The following MARCHF3 variants were observed in gnomAD, a reference collection of about 807,000 sequenced individuals.
The protein encoded by MARCHF3 is membrane associated ring-CH-type finger 3.
In MARCHF3, 13 loss-of-function variants were observed where a neutral mutation model predicts 24.2. That is an observed-to-expected ratio of 0.54 (90% CI 0.35 to 0.85). The LOEUF (loss-of-function observed/expected upper bound fraction) is 0.85, where lower values mean the gene tolerates loss of function less well. Among genes scored for constraint, MARCHF3 ranks in the 40% least tolerant of loss-of-function variants. The pLI is 0.01. For synonymous variants in MARCHF3, 144 were observed against 137.3 expected, an observed-to-expected ratio of 1.05 and a Z score of -0.34; for missense variants, 276 against 325.0, an observed-to-expected ratio of 0.85 and a Z score of 1.16.
At chr5:126,920,325 C>T (rs978297367) in intron 1 of MARCHF3, among the ~76,000 whole-genome samples, 5 of 152,118 alleles carry the variant, frequency 3.3e-5, no homozygotes, top group Non-Finnish European at 5.9e-5. Flanking sequence ...TAAAACTGTG[C>T]ATAACTACTC....
intron 1 of MARCHF3, among the ~76,000 whole-genome samples, chr5:126,965,920 C>T (rs1455826082): frequency 6.6e-6 from 1 of 152,160 alleles, no homozygotes; most frequent in East Asian, 1.9e-4. Flanking sequence ...AAGACTTTCG[C>T]ATTTTTATTC....
intron 3 of MARCHF3, among the ~76,000 whole-genome samples, chr5:126,892,001 T>C (rs1166814883): frequency 2.0e-5 from 3 of 151,878 alleles, no homozygotes; most frequent in Non-Finnish European, 2.9e-5. Flanking sequence ...AAGAGGTCCT[T>C]CACATCCCTT....
intron 4 of MARCHF3, among the ~76,000 whole-genome samples, chr5:126,877,087 TG>T (rs1322770733): frequency 1.3e-5 from 2 of 152,220 alleles, no homozygotes; most frequent in East Asian, 3.9e-4. Context: ...GAAACTGAAA[TG>T]TATCTCCTTA....
chr5:126,975,316 T>C (rs921043050), intron 1 of MARCHF3, among the ~76,000 whole-genome samples: 2 of 152,220 alleles, frequency 1.3e-5, no homozygotes, highest in Admixed American at 6.5e-5. Flanking sequence ...TGTTCACATA[T>C]ATAGTTGAAA....
At chr5:126,985,556 C>T (rs977837842) in intron 1 of MARCHF3, among the ~76,000 whole-genome samples, 1 of 151,682 alleles carries the variant, frequency 6.6e-6, no homozygotes, top group African/African-American at 2.4e-5. Flanking sequence ...TGCAACCTCC[C>T]CCTCTTGGGT....
At chr5:126,964,403 A>C (rs930463471) in intron 1 of MARCHF3, among the ~76,000 whole-genome samples, 1 of 152,186 alleles carries the variant, frequency 6.6e-6, no homozygotes, top group Non-Finnish European at 1.5e-5. Context: ...CTCCTGACAG[A>C]CTTCAATTTC....
At chr5:127,014,593 G>GTA (rs1481171685) in intron 1 of MARCHF3, among the ~76,000 whole-genome samples, 1 of 152,072 alleles carries the variant, frequency 6.6e-6, no homozygotes. Flanking sequence ...AAAAAATGTG[G>GTA]TATATATACA....
intron 4 of MARCHF3, among the ~76,000 whole-genome samples, chr5:126,874,659 C>T (rs1016190001): frequency 4.6e-5 from 7 of 151,914 alleles, no homozygotes; most frequent in African/African-American, 1.5e-4. Flanking sequence ...CCCTTTCTCT[C>T]TGGAAGTGGT....
At chr5:126,876,028 C>G (rs547732838) in intron 4 of MARCHF3, among the ~76,000 whole-genome samples, 61 of 152,302 alleles carry the variant, frequency 4.0e-4, no homozygotes, top group South Asian at 1.0e-3. Flanking sequence ...AGAAACATTT[C>G]TGGAATGAAG....
chr5:126,919,167 G>GGGTCATGACCTCAAGTTCAAAGCACTC (rs1206811695), intron 1 of MARCHF3, among the ~76,000 whole-genome samples: 2 of 152,158 alleles, frequency 1.3e-5, no homozygotes, highest in East Asian at 3.9e-4. Context: ...GTGCAGGCTT[G>GGGTCATGACCTCAAGTTCAAAGCACTC]GGTCATGACC....
chr5:127,020,791 C>T (rs1369319704), intron 1 of MARCHF3, among the ~76,000 whole-genome samples: 1 of 152,064 alleles, frequency 6.6e-6, no homozygotes, highest in African/African-American at 2.4e-5. Context: ...GTTAAGACTG[C>T]AGAGCCGAGA....
chr5:127,002,614 G>A (rs1053461314), intron 1 of MARCHF3, among the ~76,000 whole-genome samples: 1 of 152,188 alleles, frequency 6.6e-6, no homozygotes, highest in African/African-American at 2.4e-5. Flanking sequence ...GCTTAGTTAC[G>A]TTAGCATTCC....
rs1752934677 is a variant in MARCHF3 at position 126,870,655 on chromosome 5, T to C, written c.740A>G (p.Asn247Ser). ...SLLGLHSVKR[N>S]SKETVV ...ACATCAAACAACTGTCTCCTTTGAG[T>C]TCCTCTTGACCGAATGGAGGCCCAG... is the stretch of plus-strand genomic sequence containing the variant. The change falls in exon 5 of 5, where the codon AAC (asparagine) becomes AGC (serine). Residue 247 changes from asparagine to serine, a missense_variant. By Grantham distance (46) the Asn-to-Ser change is conservative (BLOSUM62 1). Transcript: ENST00000308660. The C allele has an allele frequency of 6.2e-7, 1 of 1,613,896 alleles. No individual in the cohort carries two copies. Among genetic ancestry groups the C allele is most frequent in the Admixed American group, 1.7e-5 (1 of 59,994 alleles).
chr5:126,975,583 G>A (rs73786249), intron 1 of MARCHF3, among the ~76,000 whole-genome samples: 7,876 of 152,186 alleles, frequency 0.052, 379 homozygotes, highest in South Asian at 0.14. Flanking sequence ...CTCATCAGCC[G>A]CATTCTGCTA....
intron 1 of MARCHF3, among the ~76,000 whole-genome samples, chr5:127,005,973 G>A (rs1237884118): frequency 1.3e-5 from 2 of 151,898 alleles, no homozygotes; most frequent in South Asian, 2.1e-4. Context: ...AGGCCGAGGC[G>A]GGCGGATCAC....
chr5:126,943,729 T>C (rs1439288413), intron 1 of MARCHF3, among the ~76,000 whole-genome samples: 1 of 152,136 alleles, frequency 6.6e-6, no homozygotes, highest in Non-Finnish European at 1.5e-5. Context: ...GGTAGAAAAC[T>C]ATGTCACTTG....
At chr5:126,899,283 G>A in intron 3 of MARCHF3, 1 of 985,280 alleles carries the variant, frequency 1.0e-6, no homozygotes, top group South Asian at 4.7e-5. Context: ...AAAAAAGTGA[G>A]GCAAAGAATT....
At chr5:126,930,581 C>A (rs1330226478) in intron 1 of MARCHF3, among the ~76,000 whole-genome samples, 1 of 152,256 alleles carries the variant, frequency 6.6e-6, no homozygotes, top group East Asian at 1.9e-4. Context: ...AAGCCATTCC[C>A]ACCCAGAAAA....
Position 126,918,142 on chromosome 5 carries a change from G to A in MARCHF3, c.30C>T (p.Pro10=), listed in dbSNP as rs150978557. 14 of 1,613,698 alleles carry A rather than the reference G, an allele frequency of 8.7e-6. No individual in the cohort carries two copies. The East Asian group carries it at 1.1e-4, about 13-fold the overall frequency. Residue 10 remains proline, a synonymous_variant, in exon 2 of 5, where the codon CCC becomes CCT. Transcript: ENST00000308660. MTTSRCSHL[P]EVLPDCTSSA... is the part of the protein sequence containing the mutation. ...AGCTGGTGCAGTCTGGCAGGACTTC[G>A]GGCAGGTGACTGCAGCGGCTGGTTG...
Sources: allele counts gnomAD v4.1 joint callset (sites outside exome capture counted in the v4.1 genomes callset), GRCh38; gene constraint gnomAD v4.1.1; transcripts MANE v1.5; gene names NCBI Gene and HGNC (gene_info 2026-07-23, HGNC 2026-07-21).